Variants in DNMT3A observed in about 807,000 individuals in gnomAD.
The protein encoded by DNMT3A is DNA methyltransferase 3 alpha.
A neutral mutation model predicts 117.6 loss-of-function variants in DNMT3A; 267 were observed. The ratio of observed to expected loss-of-function variants is 2.27; its 90% CI spans 2.05 to 2.51. DNMT3A has a LOEUF of 2.51. DNMT3A is among the 30% of genes most tolerant of loss of function. The pLI is 0.00. For synonymous variants in DNMT3A, 432 were observed against 474.8 expected (o/e 0.91, Z 1.17); for missense variants, 1,029 against 1,260.2 (o/e 0.82, Z 2.78).
At chr2:25,243,123 G>A (rs1032167295) in intron 16 of DNMT3A, among the ~76,000 whole-genome samples, 1 of 152,048 alleles carries the variant, frequency 6.6e-6, no homozygotes, top group Non-Finnish European at 1.5e-5. Flanking sequence ...TGGCCAACAC[G>A]GTGAAACACC....
At chr2:25,313,212 C>T (rs1443669375) in intron 2 of DNMT3A, among the ~76,000 whole-genome samples, 1 of 152,192 alleles carries the variant, frequency 6.6e-6, no homozygotes, top group Non-Finnish European at 1.5e-5. Context: ...GATGTAATCT[C>T]CTCTGACTGA....
chr2:25,308,347 C>T (rs543135797), intron 2 of DNMT3A, among the ~76,000 whole-genome samples: 1 of 152,174 alleles, frequency 6.6e-6, no homozygotes, highest in Non-Finnish European at 1.5e-5. Flanking sequence ...TTCCAAGTCA[C>T]GTGACAGAGT....
rs867257175 is a variant in DNMT3A, at chr2:25,341,791, C to T, written c.-178+35G>A. The T allele has an allele frequency of 7.8e-4, 767 of 979,466 alleles. 6 individuals carry two copies. In the African/African-American group the frequency reaches 0.012, roughly 16 times the overall value. The allele number at this position is 979,466 out of a possible 1,614,324, so 60.7% of individuals were successfully genotyped here. On this transcript the variant is annotated intron_variant, in intron 1 of 22. Transcript: ENST00000321117. Reference sequence around the variant, plus strand: ...CCCCGGCTCCCCGCCGCCTCCGGGCCGGCCTTCCGGGCCGCCAGCAGCGGC... The same window carrying T: ...CCCCGGCTCCCCGCCGCCTCCGGGCTGGCCTTCCGGGCCGCCAGCAGCGGC...
At chr2:25,259,205 T>C (rs1676404881) in intron 6 of DNMT3A, among the ~76,000 whole-genome samples, 1 of 152,208 alleles carries the variant, frequency 6.6e-6, no homozygotes, top group Non-Finnish European at 1.5e-5. Context: ...CAAACCCAGC[T>C]CTTCCTTCCT....
chr2:25,301,064 A>AT (rs1465357510), intron 2 of DNMT3A, among the ~76,000 whole-genome samples: 1 of 151,242 alleles, frequency 6.6e-6, no homozygotes, highest in Admixed American at 6.6e-5. Context: ...AGGTCAGGAG[A>AT]TTGAGACCAT....
intron 3 of DNMT3A, among the ~76,000 whole-genome samples, chr2:25,290,338 T>TTTTTTTTTA (rs1255056962): frequency 1.3e-5 from 2 of 150,620 alleles, no homozygotes; most frequent in African/African-American, 4.9e-5. Context: ...TTTTTTTTTT[T>TTTTTTTTTA]GAGACGCAGT....
intron 3 of DNMT3A, among the ~76,000 whole-genome samples, chr2:25,283,561 A>G (rs2032059243): frequency 6.6e-6 from 1 of 152,088 alleles, no homozygotes; most frequent in Non-Finnish European, 1.5e-5. Flanking sequence ...ACCATTCTGT[A>G]GGCTCATAGC....
At chr2:25,250,841 C>A (rs748603627) in intron 6 of DNMT3A, among the ~76,000 whole-genome samples, 2 of 152,192 alleles carry the variant, frequency 1.3e-5, no homozygotes, top group African/African-American at 4.8e-5. Context: ...GGAAAGGACC[C>A]GCTATCAGTT....
Position 25,311,882 on chromosome 2 carries a change from C to T in DNMT3A, c.72+2031G>A, listed in dbSNP as rs1025819164. ...CTGGGATTTCTGACTCCTGGTCCAG[C>T]GTTGCTTCTCAGTCCTGAGCTATTA... On this transcript the variant is annotated intron_variant, in intron 2 of 22. Coordinates refer to ENST00000321117, the MANE Select transcript of DNMT3A (RefSeq NM_022552.5). The surrounding 1 kb of genome is among the most constrained non-coding windows in gnomAD (Gnocchi z 5.2). Among the ~76,000 whole-genome samples, 3 of 152,194 alleles carry T rather than the reference C, an allele frequency of 2.0e-5. No homozygotes were observed. The highest frequency in any genetic ancestry group is 4.8e-5 in the African/African-American group (2 of 41,454).
At position 25,244,286 on chromosome 2, in the gene DNMT3A, CCTGGGCAG is replaced by C; in HGVS notation, c.1712_1719del (p.Ala571GlyfsTer4). The C allele has an allele frequency of 6.2e-7, 1 of 1,612,526 alleles. No individual in the cohort carries two copies. Among genetic ancestry groups the C allele is most frequent in the African/African-American group, 1.3e-5 (1 of 75,000 alleles). ...TTCCAGGGGTCTTCCTTAATGGCTG[CCTGGGCAG>C]CCCCCGGCCCCACCAAGAGGTCCAC... is the stretch of plus-strand genomic sequence containing the variant. On this transcript the variant is annotated frameshift_variant, in exon 15 of 23. Coordinates refer to ENST00000321117, the MANE Select transcript of DNMT3A (RefSeq NM_022552.5). LOFTEE classifies it high-confidence loss of function.
rs1424651217 is a variant in DNMT3A at position 25,232,723 on chromosome 2, GA to G, written c.*1555del. 5.7e-6 allele frequency: 1 copy of G among 174,768 alleles called. No homozygotes were observed. Among genetic ancestry groups the G allele is most frequent in the Non-Finnish European group, 1.2e-5 (1 of 81,082 alleles). 10.8% of individuals were successfully genotyped at this position (174,768 alleles called of 1,614,324 possible). On this transcript the variant is annotated 3_prime_UTR_variant, in exon 23 of 23. Coordinates refer to ENST00000321117, the MANE Select transcript of DNMT3A (RefSeq NM_022552.5). The surrounding 1 kb of genome is among the most constrained non-coding windows in gnomAD (Gnocchi z 4.1). ...GCACCCTGCTCCCGCACCTTGGTTT[GA>G]AACCTAAAGGGAAGGGTGTTGGGTT...
intron 1 of DNMT3A, among the ~76,000 whole-genome samples, chr2:25,330,139 CT>C (rs1347387963): frequency 6.6e-6 from 1 of 152,216 alleles, no homozygotes; most frequent in Non-Finnish European, 1.5e-5. Context: ...ATGTGAACTG[CT>C]TACCATTTAC....
intron 4 of DNMT3A, among the ~76,000 whole-genome samples, chr2:25,279,462 T>C (rs914935009): frequency 1.3e-5 from 2 of 151,950 alleles, no homozygotes; most frequent in African/African-American, 4.8e-5. Context: ...GTCAGCTGAC[T>C]GCTGGAACCG....
Position 25,236,198 on chromosome 2 carries a change from TGGG to T in DNMT3A, c.2479-376_2479-374del, listed in dbSNP as rs1673349335. Among the ~76,000 whole-genome samples, 1 of 152,152 alleles carries T rather than the reference TGGG, an allele frequency of 6.6e-6. No individual in the cohort carries two copies. Among genetic ancestry groups the T allele is most frequent in the Non-Finnish European group, 1.5e-5 (1 of 68,036 alleles). On this transcript the variant is annotated intron_variant, in intron 21 of 22. Coordinates refer to ENST00000321117, the MANE Select transcript of DNMT3A (RefSeq NM_022552.5). The surrounding 1 kb of genome is among the most constrained non-coding windows in gnomAD (Gnocchi z 4.5). ...CTAATGCCTCAGACTCCTGAGTAGC[TGGG>T]ACTACAGGCGCCCGCCACCATGCCT... is the stretch of plus-strand genomic sequence containing the variant.
At chr2:25,268,341 A>G (rs1184242912) in intron 6 of DNMT3A, among the ~76,000 whole-genome samples, 1 of 152,166 alleles carries the variant, frequency 6.6e-6, no homozygotes, top group Non-Finnish European at 1.5e-5. Flanking sequence ...TTAATGAGCG[A>G]GTCATGCCAT....
intron 6 of DNMT3A, among the ~76,000 whole-genome samples, chr2:25,269,462 G>A (rs2030671518): frequency 6.6e-6 from 1 of 152,224 alleles, no homozygotes; most frequent in Non-Finnish European, 1.5e-5. Context: ...ATGGACTGGG[G>A]AAATCACAGC....
intron 4 of DNMT3A, among the ~76,000 whole-genome samples, chr2:25,280,319 C>G (rs1271629671): frequency 7.9e-6 from 1 of 126,820 alleles, no homozygotes; most frequent in Non-Finnish European, 1.7e-5. Flanking sequence ...CCCGCCTCCC[C>G]GCCCCCCCAC....
intron 3 of DNMT3A, among the ~76,000 whole-genome samples, chr2:25,283,821 G>A (rs562333073): frequency 5.3e-5 from 8 of 152,274 alleles, no homozygotes; most frequent in Admixed American, 6.5e-5. Flanking sequence ...GTGTCACTGC[G>A]CAGTGGACAA....
intron 1 of DNMT3A, among the ~76,000 whole-genome samples, chr2:25,325,499 C>A (rs1303660021): frequency 2.0e-5 from 3 of 152,184 alleles, no homozygotes; most frequent in Admixed American, 2.0e-4. Flanking sequence ...CAGCTGCCAG[C>A]TCCAGAGCCT....
Sources: gnomAD v4.1 joint callset for allele counts (sites outside exome capture counted in the v4.1 genomes callset) on GRCh38, gnomAD v4.1.1 for gene constraint, Gnocchi (gnomAD v3.1) non-coding constraint, MANE v1.5 for transcripts, NCBI Gene and HGNC (gene_info 2026-07-23, HGNC 2026-07-21) for gene names.